The following SLC10A7 variants were observed in gnomAD, a reference collection of about 807,000 sequenced individuals.
The protein encoded by SLC10A7 is sodium/bile acid cotransporter 7.
Under a neutral mutation model 43.2 loss-of-function variants are expected in SLC10A7, and 29 were observed. The observed-to-expected ratio is 0.67, with a 90% CI of 0.50 to 0.92. SLC10A7 has a LOEUF of 0.92. Among genes scored for constraint, SLC10A7 ranks in the 40% least tolerant of loss-of-function variants. The pLI, the probability that SLC10A7 is intolerant of heterozygous loss-of-function variation, is 0.00. For missense variants in SLC10A7, 295 were observed against 403.2 expected (o/e 0.73, Z 2.30); for synonymous variants, 152 against 144.8 (o/e 1.05, Z -0.35).
intron 6 of SLC10A7, among the ~76,000 whole-genome samples, chr4:146,312,410 C>T (rs1732047357): frequency 6.6e-6 from 1 of 152,156 alleles, no homozygotes. Flanking sequence ...CCCATCACCT[C>T]ACATAGTTAC....
intron 5 of SLC10A7, among the ~76,000 whole-genome samples, chr4:146,408,973 A>T (rs1185280552): frequency 6.6e-6 from 1 of 152,166 alleles, no homozygotes; most frequent in Non-Finnish European, 1.5e-5. Flanking sequence ...GGAAATTCCA[A>T]GAGGCATAGT....
intron 6 of SLC10A7, among the ~76,000 whole-genome samples, chr4:146,324,047 A>C (rs191261440): frequency 5.9e-5 from 9 of 152,322 alleles, no homozygotes; most frequent in Admixed American, 5.9e-4. Flanking sequence ...ACAGAGAGCC[A>C]AATCACGAGT....
chr4:146,350,018 A>AT (rs1734924158), intron 5 of SLC10A7, among the ~76,000 whole-genome samples: 1 of 151,506 alleles, frequency 6.6e-6, no homozygotes, highest in Non-Finnish European at 1.5e-5. Flanking sequence ...ATATATATAT[A>AT]GGGGGAGGAG....
chr4:146,256,361 G>T lies in SLC10A7; in HGVS notation c.*130C>A. Reference sequence around the variant, plus strand: ...AAATACATTTTAAGGCACTTAAACAGGATCTCATATTTTTGTGTAAAAAAA... The same window carrying T: ...AAATACATTTTAAGGCACTTAAACATGATCTCATATTTTTGTGTAAAAAAA... On this transcript the variant is annotated 3_prime_UTR_variant, in exon 12 of 12. Transcript: ENST00000335472. 1.2e-6 allele frequency: 1 copy of T among 839,580 alleles called. No homozygotes were observed. Among genetic ancestry groups the T allele is most frequent in the Non-Finnish European group, 1.9e-6 (1 of 515,828 alleles). The allele number at this position is 839,580 out of a possible 1,614,324, so 52.0% of individuals were successfully genotyped here. A position where few individuals can be genotyped will look rare whatever the true frequency, so the allele number is the denominator to read the frequency against.
intron 4 of SLC10A7, among the ~76,000 whole-genome samples, chr4:146,446,842 C>T (rs1256051359): frequency 1.3e-5 from 2 of 151,844 alleles, no homozygotes; most frequent in South Asian, 2.1e-4. Flanking sequence ...TCCACTGGTA[C>T]TCTTTTAAAA....
At chr4:146,287,869 G>A (rs1372946799) in intron 9 of SLC10A7, among the ~76,000 whole-genome samples, 1 of 152,148 alleles carries the variant, frequency 6.6e-6, no homozygotes, top group Middle Eastern at 3.2e-3. Flanking sequence ...ACTGTGTTCG[G>A]CTTGATATCT....
At chr4:146,514,056 T>A (rs1264148226) in intron 2 of SLC10A7, 1 of 152,188 alleles carries the variant, frequency 6.6e-6, no homozygotes, top group African/African-American at 2.4e-5. Flanking sequence ...GACGTAGAAA[T>A]ATTTTCATTA....
rs576195258 is a variant in SLC10A7 at position 146,388,058 on chromosome 4, G to T, written c.435+54725C>A. On this transcript the variant is annotated intron_variant, in intron 5 of 11. Transcript: ENST00000335472. ...CAAATTACCAACATCATTTTTCACA[G>T]AATTAGAAAAACAATTCTAAAATTC... Among the ~76,000 whole-genome samples, 10 of 152,180 alleles carry T rather than the reference G, an allele frequency of 6.6e-5. No homozygotes were observed. The South Asian group carries it at 2.1e-3, about 32-fold the overall frequency.
intron 5 of SLC10A7, among the ~76,000 whole-genome samples, chr4:146,424,368 T>C (rs1229760357): frequency 6.6e-6 from 1 of 152,110 alleles, no homozygotes; most frequent in African/African-American, 2.4e-5. Flanking sequence ...CATTGTTAAA[T>C]ACAGAATAAG....
chr4:146,473,317 C>T (rs533090313), intron 4 of SLC10A7, among the ~76,000 whole-genome samples: 2 of 152,030 alleles, frequency 1.3e-5, no homozygotes, highest in Non-Finnish European at 2.9e-5. Flanking sequence ...CACTGACATG[C>T]TTTTTACTGT....
chr4:146,280,264 A>G (rs1313876467), intron 10 of SLC10A7, among the ~76,000 whole-genome samples: 4 of 152,212 alleles, frequency 2.6e-5, no homozygotes, highest in African/African-American at 9.6e-5. Flanking sequence ...AGTGCCAAAT[A>G]GTTATATTAT....
intron 2 of SLC10A7, among the ~76,000 whole-genome samples, chr4:146,511,518 G>A (rs542483383): frequency 7.0e-4 from 107 of 152,334 alleles, no homozygotes; most frequent in African/African-American, 2.4e-3. Context: ...TCAACAGTAC[G>A]TTAATGCAGA....
intron 5 of SLC10A7, among the ~76,000 whole-genome samples, chr4:146,385,535 A>C (rs1348561480): frequency 6.6e-6 from 1 of 151,986 alleles, no homozygotes; most frequent in Non-Finnish European, 1.5e-5. Context: ...TTGCTTATTG[A>C]TTACAGATGT....
At chr4:146,268,789 A>G (rs766139214) in intron 10 of SLC10A7, among the ~76,000 whole-genome samples, 10 of 152,220 alleles carry the variant, frequency 6.6e-5, no homozygotes, top group Non-Finnish European at 1.3e-4. Flanking sequence ...GACTAGCTCT[A>G]GAGTCTGTGC....
chr4:146,274,778 T>C (rs902579925), intron 10 of SLC10A7, among the ~76,000 whole-genome samples: 1 of 152,190 alleles, frequency 6.6e-6, no homozygotes, highest in Non-Finnish European at 1.5e-5. Flanking sequence ...TGCTTATTAT[T>C]ATACAATACT....
intron 6 of SLC10A7, among the ~76,000 whole-genome samples, chr4:146,321,910 AT>A (rs1365289016): frequency 2.0e-5 from 3 of 152,222 alleles, no homozygotes; most frequent in Admixed American, 6.5e-5. Flanking sequence ...AAAAAGTGTT[AT>A]ATGCGATGCA....
intron 10 of SLC10A7, among the ~76,000 whole-genome samples, chr4:146,273,629 T>C (rs1729029246): frequency 6.6e-6 from 1 of 152,092 alleles, no homozygotes; most frequent in Non-Finnish European, 1.5e-5. Flanking sequence ...GCTGTTGTTG[T>C]TATTATTATT....
intron 6 of SLC10A7, 151 bp from the exon 7 acceptor site, chr4:146,306,160 A>C: frequency 1.9e-6 from 1 of 524,064 alleles, no homozygotes; most frequent in South Asian, 4.2e-5. Context: ...CTAATTTTCT[A>C]AGTTCAACAC....
At chr4:146,443,698 G>A (rs1300681465) in intron 4 of SLC10A7, among the ~76,000 whole-genome samples, 1 of 152,186 alleles carries the variant, frequency 6.6e-6, no homozygotes, top group Non-Finnish European at 1.5e-5. Flanking sequence ...GTAAAAAGAG[G>A]ATGTCAGTTT....
Sources: gnomAD v4.1 joint callset for allele counts (sites outside exome capture counted in the v4.1 genomes callset) on GRCh38, gnomAD v4.1.1 for gene constraint, MANE v1.5 for transcripts, NCBI Gene and HGNC (gene_info 2026-07-23, HGNC 2026-07-21) for gene names.